Variants in KTN1 observed in about 807,000 individuals in gnomAD.
KTN1 encodes the protein kinectin 1.
A neutral mutation model predicts 222.5 loss-of-function variants in KTN1; 130 were observed. The observed-to-expected ratio is 0.58, with a 90% CI of 0.51 to 0.68. The LOEUF is 0.68. Ranked by LOEUF, KTN1 falls within the 30% of genes least tolerant of loss-of-function variation. The pLI, the probability that KTN1 is intolerant of heterozygous loss-of-function variation, is 0.00. For missense variants in KTN1, 1,508 were observed against 1,500.4 expected (o/e 1.01, Z -0.08); for synonymous variants, 512 against 496.3 (o/e 1.03, Z -0.42).
chr14:55,595,119 G>A (rs17746033), intron 1 of KTN1, among the ~76,000 whole-genome samples: 11,692 of 152,310 alleles, frequency 0.077, 498 homozygotes, highest in South Asian at 0.12. Context: ...ATATGTACAC[G>A]AAGCATATCT....
chr14:55,587,565 A>G (rs1232722895), intron 1 of KTN1, among the ~76,000 whole-genome samples: 1 of 152,144 alleles, frequency 6.6e-6, no homozygotes, highest in Non-Finnish European at 1.5e-5. Context: ...AATCTGTAAT[A>G]TCCACACAGG....
intron 28 of KTN1, 31 bp downstream of exon 28, chr14:55,653,627 A>G (rs2043163872): frequency 6.5e-7 from 1 of 1,538,534 alleles, no homozygotes; most frequent in Admixed American, 1.7e-5. Context: ...CATTTTGAAG[A>G]GAAACAAACG....
intron 1 of KTN1, among the ~76,000 whole-genome samples, chr14:55,596,225 A>G (rs1030536991): frequency 6.6e-6 from 1 of 151,416 alleles, no homozygotes; most frequent in Non-Finnish European, 1.5e-5. Context: ...TGATGTGCCT[A>G]TATTTTTTAG....
chr14:55,676,804 T>G (rs967888068), intron 41 of KTN1, among the ~76,000 whole-genome samples: 4 of 152,180 alleles, frequency 2.6e-5, no homozygotes, highest in African/African-American at 9.7e-5. Flanking sequence ...TTTATAATTG[T>G]TATGTAAAAG....
chr14:55,617,963 G>C lies in KTN1; in HGVS notation c.662-1G>C, dbSNP rs1339604719. The C allele has an allele frequency of 4.5e-6, 7 of 1,561,320 alleles. No homozygotes were observed. Among genetic ancestry groups the C allele is most frequent in the Non-Finnish European group, 6.1e-6 (7 of 1,156,972 alleles). On this transcript the variant is annotated splice_acceptor_variant, in intron 3 of 43. Coordinates refer to ENST00000395314, the MANE Select transcript of KTN1 (RefSeq NM_001079521.2). LOFTEE classifies it high-confidence loss of function. ...ATGATTTTGTTGAACTTAAATTGCAGTCTTCGTAGATGAACCCCTTATTCA... is the reference window on the plus strand; with the variant it reads ...ATGATTTTGTTGAACTTAAATTGCACTCTTCGTAGATGAACCCCTTATTCA...
chr14:55,583,327 A>C (rs1001358601), intron 1 of KTN1, among the ~76,000 whole-genome samples: 2 of 152,362 alleles, frequency 1.3e-5, no homozygotes, highest in Non-Finnish European at 1.5e-5. Context: ...GTAAAAGAAA[A>C]TAGGCAAGAT....
At chr14:55,633,467 G>T in intron 8 of KTN1, 126 bp downstream of exon 8, 2 of 525,256 alleles carry the variant, frequency 3.8e-6, no homozygotes, top group Non-Finnish European at 3.3e-6. Flanking sequence ...TCTAAAATGA[G>T]TTACTTTTAA....
chr14:55,658,929 C>T (rs752411235), intron 30 of KTN1, among the ~76,000 whole-genome samples: 38 of 152,140 alleles, frequency 2.5e-4, no homozygotes, highest in Non-Finnish European at 4.3e-4. Context: ...TATGTGTACA[C>T]ACTCTTATCT....
chr14:55,634,180 A>G (rs1434831428), intron 8 of KTN1, among the ~76,000 whole-genome samples: 3 of 152,168 alleles, frequency 2.0e-5, no homozygotes, highest in Non-Finnish European at 2.9e-5. Context: ...CTCTGAGGCC[A>G]TACTTTGAGA....
chr14:55,612,601 T>A, intron 2 of KTN1, 30 bp downstream of exon 2: 5 of 1,520,024 alleles, frequency 3.3e-6, no homozygotes, highest in Non-Finnish European at 4.4e-6. Flanking sequence ...CTATTTAATT[T>A]TATTGTATGA....
In KTN1 at chr14:55,637,807, A is replaced by T. The variant is rs1315133872; in HGVS notation, c.1745A>T (p.Lys582Ile). Residue 582 changes from lysine (K) to isoleucine (I), a missense_variant, in exon 12 of 44, where the codon AAA becomes ATA. Transcript: ENST00000395314. Reference protein sequence around the residue: ...QDILEQNEALKAQIQQFHSQI... With the variant: ...QDILEQNEALIAQIQQFHSQI... ...ATTTTGGAGCAGAATGAGGCTTTGA[A>T]AGCTCAAATTCAGCAGTTCCATTCC... 3 of 1,611,256 alleles carry T rather than the reference A, an allele frequency of 1.9e-6. No individual in the cohort carries two copies. In the African/African-American group the frequency reaches 4.0e-5, roughly 22 times the overall value.
In KTN1 at chr14:55,667,519, ATT is replaced by A. The variant is rs543560476; in HGVS notation, c.3267+190_3267+191del. 5.4e-4 allele frequency: 192 copies of A among 357,784 alleles called. 3 individuals are homozygous for A. In the East Asian group the frequency reaches 8.6e-3, roughly 16 times the overall value. 22.2% of individuals were successfully genotyped at this position (357,784 alleles called of 1,614,324 possible). On this transcript the variant is annotated intron_variant, in intron 34 of 43. Coordinates refer to ENST00000395314, the MANE Select transcript of KTN1 (RefSeq NM_001079521.2). ...AACTCATTTCTATTTACCTGATACT[ATT>A]GTTTCTATAAAATTTTATATATGAG...
intron 25 of KTN1, 98 bp downstream of exon 25, chr14:55,652,025 T>G (rs1041964872): frequency 2.5e-6 from 2 of 787,440 alleles, no homozygotes; most frequent in Non-Finnish European, 4.1e-6. Flanking sequence ...AAGTGGTGTT[T>G]TAGAAAATAC....
intron 1 of KTN1, among the ~76,000 whole-genome samples, chr14:55,603,344 A>T (rs2140488389): frequency 6.6e-6 from 1 of 152,344 alleles, no homozygotes; most frequent in Admixed American, 6.5e-5. Flanking sequence ...AATTCATTTC[A>T]ATCAGGTTTT....
intron 1 of KTN1, among the ~76,000 whole-genome samples, chr14:55,599,738 C>A (rs1043089699): frequency 6.6e-6 from 1 of 151,626 alleles, no homozygotes; most frequent in Non-Finnish European, 1.5e-5. Flanking sequence ...ATTTTTATGT[C>A]AATATTTGTG....
At position 55,618,107 on chromosome 14, in the gene KTN1, A is replaced by G; in HGVS notation, c.805A>G (p.Lys269Glu). The change falls in exon 4 of 44, where the codon AAA (lysine) becomes GAA (glutamate). Residue 269 changes from lysine to glutamate, a missense_variant. Coordinates refer to ENST00000395314, the MANE Select transcript of KTN1 (RefSeq NM_001079521.2). ...QVEGIQKSGTKKLKTETDKEN... is the reference protein window; with the variant it reads ...QVEGIQKSGTEKLKTETDKEN... ...AGAAGGGATCCAGAAATCTGGGACTAAAAAACTGAAGACCGAAACTGACAA... is the reference window on the plus strand; with the variant it reads ...AGAAGGGATCCAGAAATCTGGGACTGAAAAACTGAAGACCGAAACTGACAA... 1.2e-6 allele frequency: 2 copies of G among 1,611,766 alleles called. No homozygotes were observed. Among genetic ancestry groups the G allele is most frequent in the Non-Finnish European group, 1.7e-6 (2 of 1,179,002 alleles).
intron 1 of KTN1, among the ~76,000 whole-genome samples, chr14:55,603,188 T>C (rs2036232415): frequency 6.6e-6 from 1 of 152,118 alleles, no homozygotes; most frequent in Admixed American, 6.5e-5. Context: ...GTCAGCATAT[T>C]ATCATGCTGT....
chr14:55,590,833 G>A (rs2033984625), intron 1 of KTN1, among the ~76,000 whole-genome samples: 1 of 151,928 alleles, frequency 6.6e-6, no homozygotes, highest in Non-Finnish European at 1.5e-5. Context: ...GCACCACCAC[G>A]TCCAGCTAAT....
Position 55,650,335 on chromosome 14 carries a change from G to GT in KTN1, c.2413_2414insT (p.Glu805ValfsTer22). ...TGCATTTCTTTATTGAAGGATCCAT[G>GT]AGAAAGATGGAAAGATCAAGTCTGT... On this transcript the variant is annotated frameshift_variant, in exon 23 of 44. Transcript: ENST00000395314. LOFTEE classifies it high-confidence loss of function. 6.3e-7 allele frequency: 1 copy of GT among 1,592,522 alleles called. No homozygotes were observed. The highest frequency in any genetic ancestry group is 1.8e-5 in the Admixed American group (1 of 54,832).
Sources: gnomAD v4.1 joint callset for allele counts (sites outside exome capture counted in the v4.1 genomes callset) on GRCh38, gnomAD v4.1.1 for gene constraint, MANE v1.5 for transcripts, NCBI Gene and HGNC (gene_info 2026-07-23, HGNC 2026-07-21) for gene names.